The following PKP4 variants were observed in gnomAD, a reference collection of about 807,000 sequenced individuals.
PKP4 encodes plakophilin-4.
A neutral mutation model predicts 145.1 loss-of-function variants in PKP4; 90 were observed. The observed-to-expected ratio is 0.62, with a 90% CI of 0.52 to 0.74. The LOEUF (loss-of-function observed/expected upper bound fraction) is 0.74. Ranked by LOEUF, PKP4 falls within the 30% of genes least tolerant of loss-of-function variation. PKP4 has a pLI of 0.00. For synonymous variants in PKP4, 563 were observed against 577.2 expected, an observed-to-expected ratio of 0.98 and a Z score of 0.35; for missense variants, 1,340 against 1,482.7, an observed-to-expected ratio of 0.90 and a Z score of 1.58.
At chr2:158,569,440 G>C (rs1205315395) in intron 2 of PKP4, among the ~76,000 whole-genome samples, 1 of 152,190 alleles carries the variant, frequency 6.6e-6, no homozygotes, top group Admixed American at 6.5e-5. Context: ...CCACAGAGCT[G>C]TCCTAATAAT....
chr2:158,643,739 C>CAAG (rs1366262133), intron 11 of PKP4, among the ~76,000 whole-genome samples: 1 of 132,296 alleles, frequency 7.6e-6, no homozygotes, highest in Non-Finnish European at 1.7e-5. Flanking sequence ...GAAAAGAAAA[C>CAAG]AAGGCCAGAG....
At chr2:158,573,702 G>A (rs1465664215) in intron 2 of PKP4, among the ~76,000 whole-genome samples, 2 of 151,878 alleles carry the variant, frequency 1.3e-5, no homozygotes, top group Non-Finnish European at 2.9e-5. Flanking sequence ...CACTGAGATG[G>A]AGTTTTACAT....
intron 1 of PKP4, among the ~76,000 whole-genome samples, chr2:158,511,488 T>G (rs944602151): frequency 3.3e-5 from 5 of 152,242 alleles, no homozygotes; most frequent in African/African-American, 1.2e-4. Context: ...TCCTATAATT[T>G]ACCATTACTA....
chr2:158,529,525 T>C (rs1469751304), intron 1 of PKP4, among the ~76,000 whole-genome samples: 3 of 152,230 alleles, frequency 2.0e-5, no homozygotes, highest in Admixed American at 6.5e-5. Flanking sequence ...ATACAGTGTG[T>C]GCATTCCTGT....
At chr2:158,674,126 A>G in intron 19 of PKP4, 126 bp downstream of exon 19, 1 of 744,712 alleles carries the variant, frequency 1.3e-6, no homozygotes, top group Non-Finnish European at 2.5e-6. Context: ...GCAGCAGAGA[A>G]CCTTCTGTAG....
chr2:158,496,211 C>T (rs1574104117), intron 1 of PKP4, among the ~76,000 whole-genome samples: 1 of 152,186 alleles, frequency 6.6e-6, no homozygotes, highest in East Asian at 1.9e-4. Flanking sequence ...GAACTCCTGG[C>T]TTCAAGTGAT....
At chr2:158,675,798 T>C (rs1408428562) in intron 19 of PKP4, among the ~76,000 whole-genome samples, 1 of 152,198 alleles carries the variant, frequency 6.6e-6, no homozygotes, top group African/African-American at 2.4e-5. Context: ...GAGGTGACTT[T>C]TTAGGAAAAG....
chr2:158,463,572 A>G (rs1174451200), intron 1 of PKP4, among the ~76,000 whole-genome samples: 4 of 152,192 alleles, frequency 2.6e-5, no homozygotes, highest in Admixed American at 6.5e-5. Flanking sequence ...CTTTGCCACT[A>G]TGCAGGTGTG....
chr2:158,621,338 A>G lies in PKP4; in HGVS notation c.520A>G (p.Asn174Asp), dbSNP rs2052212769. 6.2e-7 allele frequency: 1 copy of G among 1,614,194 alleles called. No homozygotes were observed. The highest frequency in any genetic ancestry group is 1.3e-5 in the African/African-American group (1 of 75,056). The change falls in exon 6 of 22, where the codon AAC becomes GAC. Residue 174 changes from asparagine (N) to aspartate (D), a missense_variant. Transcript: ENST00000389759. ...CAGCCAGAACGTGAGCAAGGCAGAC[A>G]ACAGACAGCAGCATTCATTCATAGG... ...HNSQNVSKAD[N>D]RQQHSFIGST...
At chr2:158,533,768 T>A (rs952974024) in intron 2 of PKP4, among the ~76,000 whole-genome samples, 5 of 152,246 alleles carry the variant, frequency 3.3e-5, no homozygotes, top group Admixed American at 3.3e-4. Context: ...TGTCTAAATT[T>A]AAGTATATTC....
chr2:158,572,539 C>T (rs2047498520), intron 2 of PKP4, among the ~76,000 whole-genome samples: 1 of 152,184 alleles, frequency 6.6e-6, no homozygotes, highest in Non-Finnish European at 1.5e-5. Context: ...ATGCCACAGG[C>T]ATTTGAGGAC....
intron 1 of PKP4, among the ~76,000 whole-genome samples, chr2:158,475,389 G>A (rs539774821): frequency 1.6e-4 from 25 of 152,074 alleles, no homozygotes; most frequent in Non-Finnish European, 1.6e-4. Flanking sequence ...TAGAGTAGGT[G>A]CCCAGTGTTT....
rs757324705 is a variant in PKP4 at position 158,625,051 on chromosome 2, T to A, written c.777T>A (p.Ser259Arg). 1.2e-6 allele frequency: 2 copies of A among 1,614,164 alleles called. No homozygotes were observed. Among genetic ancestry groups the A allele is most frequent in the Admixed American group, 3.3e-5 (2 of 60,016 alleles). ...CCGACCCCCGACCTCTGAACCCCAG[T>A]GCATATTCCTCCACCACATTACCTG... ...SVTDPRPLNP[S>R]AYSSTTLPAA... is the part of the protein sequence containing the mutation. Residue 259 changes from serine (S) to arginine (R), a missense_variant, in exon 7 of 22, where the codon AGT becomes AGA. Ser to Arg is a moderately radical substitution (Grantham distance 110, BLOSUM62 -1). Transcript: ENST00000389759.
intron 11 of PKP4, among the ~76,000 whole-genome samples, chr2:158,653,118 C>T (rs2055554226): frequency 6.6e-6 from 1 of 152,130 alleles, no homozygotes; most frequent in Admixed American, 6.5e-5. Flanking sequence ...AATTAGGAAA[C>T]ATGGCATAAA....
chr2:158,639,120 G>A (rs990800736), intron 9 of PKP4, among the ~76,000 whole-genome samples: 2 of 152,148 alleles, frequency 1.3e-5, no homozygotes, highest in African/African-American at 4.8e-5. Flanking sequence ...CAACAGTAAA[G>A]GTAAATGAGA....
intron 11 of PKP4, among the ~76,000 whole-genome samples, chr2:158,651,407 A>G (rs922940706): frequency 3.4e-5 from 5 of 148,024 alleles, no homozygotes; most frequent in African/African-American, 1.2e-4. Context: ...GTCCTGTGAA[A>G]TAGGCTCTGC....
At chr2:158,596,228 A>G (rs867603772) in intron 3 of PKP4, among the ~76,000 whole-genome samples, 57 of 152,326 alleles carry the variant, frequency 3.7e-4, no homozygotes, top group Middle Eastern at 6.8e-3. Flanking sequence ...CACAAATTGA[A>G]AGTAAGATAA....
intron 2 of PKP4, among the ~76,000 whole-genome samples, chr2:158,574,522 G>T (rs1364290039): frequency 6.6e-6 from 1 of 152,208 alleles, no homozygotes; most frequent in Non-Finnish European, 1.5e-5. Flanking sequence ...GGCCAGTAGA[G>T]ACTGAATTAT....
intron 2 of PKP4, among the ~76,000 whole-genome samples, chr2:158,573,630 G>A (rs77511001): frequency 0.03 from 3,935 of 131,902 alleles, 137 homozygotes; most frequent in East Asian, 0.15. Flanking sequence ...TTGGGAGAGA[G>A]AAATCTATCA....
Sources: gnomAD v4.1 joint callset for allele counts (sites outside exome capture counted in the v4.1 genomes callset) on GRCh38, gnomAD v4.1.1 for gene constraint, MANE v1.5 for transcripts, NCBI Gene and HGNC (gene_info 2026-07-23, HGNC 2026-07-21) for gene names.